GBA2: variants seen among roughly 807,000 people sequenced by gnomAD.
GBA2 encodes the protein glucosylceramidase beta 2.
Under a neutral mutation model 112.9 loss-of-function variants are expected in GBA2, and 79 were observed. That is an observed-to-expected ratio of 0.70 (90% CI 0.58 to 0.84). The LOEUF is 0.84. GBA2 is among the 40% of genes least tolerant of loss of function. The pLI is 0.00. For missense variants in GBA2, 1,043 were observed against 1,190.0 expected (o/e 0.88, Z 1.82); for synonymous variants, 403 against 434.3 (o/e 0.93, Z 0.90).
chr9:35,748,565 C>T lies in GBA2; in HGVS notation c.140G>A (p.Ser47Asn). 1 of 1,614,162 alleles carries T rather than the reference C, an allele frequency of 6.2e-7. No individual in the cohort carries two copies. The highest frequency in any genetic ancestry group is 8.5e-7 in the Non-Finnish European group (1 of 1,180,010). Reference protein sequence around the residue: ...TKDVQVTDCKSPEDSRPPKET... With the variant: ...TKDVQVTDCKNPEDSRPPKET... ...TTTTGGGGGTCGGCTGTCTTCGGGA[C>T]TCTTACAGTCTGTAACCTGCACATC... Residue 47 changes from serine (S) to asparagine (N), a missense_variant, in exon 1 of 17, where the codon AGT becomes AAT. Ser to Asn is a conservative substitution (Grantham distance 46). Transcript: ENST00000378103.
chr9:35,747,148 C>G (rs570144965), intron 1 of GBA2, among the ~76,000 whole-genome samples: 1 of 152,282 alleles, frequency 6.6e-6, no homozygotes, highest in Admixed American at 6.5e-5. Flanking sequence ...CAGTACCCCC[C>G]ACTCTATCCT....
chr9:35,740,018 C>G lies in GBA2; in HGVS notation c.1389G>C (p.Gln463His). ...GGCACCTGTCATCCAATACCGGGCT[C>G]TGCCAAGCTGAGATCCTCTCTTCCC... is the stretch of plus-strand genomic sequence containing the variant. ...AEWEERISAW[Q>H]SPVLDDRSLP... Residue 463 changes from glutamine to histidine, a missense_variant, in exon 8 of 17, where the codon CAG (glutamine) becomes CAC (histidine). Transcript: ENST00000378103. This position sits in a 1 kb window ranked among gnomAD's most constrained non-coding sequence, Gnocchi z 4.7. The G allele has an allele frequency of 6.2e-7, 1 of 1,614,134 alleles. No homozygotes were observed. Among genetic ancestry groups the G allele is most frequent in the Non-Finnish European group, 8.5e-7 (1 of 1,179,992 alleles).
rs942178361 is a variant in GBA2 at position 35,741,669 on chromosome 9, C to T, written c.786+3G>A. ...ATGGAAGATACAGATGTGGGGGCCT[C>T]ACCTGGTAGTCATGGGGCAAGATGG... is the stretch of plus-strand genomic sequence containing the variant. On this transcript the variant is annotated splice_donor_region_variant and intron_variant, in intron 4 of 16. Transcript: ENST00000378103. The surrounding 1 kb of genome is among the most constrained non-coding windows in gnomAD (Gnocchi z 4.6). 1.3e-6 allele frequency: 2 copies of T among 1,579,472 alleles called. No individual in the cohort carries two copies. Among genetic ancestry groups the T allele is most frequent in the Admixed American group, 1.7e-5 (1 of 59,986 alleles).
intron 3 of GBA2, chr9:35,743,448 A>G: frequency 6.5e-6 from 1 of 153,412 alleles, no homozygotes; most frequent in East Asian, 1.9e-4. Flanking sequence ...CTTTAATTGT[A>G]GAGTCACAAT....
rs760492879 is a variant in GBA2 at position 35,741,830 on chromosome 9, G to A, written c.628C>T (p.Arg210Cys). 3.6e-5 allele frequency: 58 copies of A among 1,613,698 alleles called. No homozygotes were observed. Among genetic ancestry groups the A allele is most frequent in the Admixed American group, 5.0e-5 (3 of 60,020 alleles). The change falls in exon 4 of 17, where the codon CGC becomes TGC. Residue 210 changes from arginine to cysteine, a missense_variant. Transcript: ENST00000378103. The surrounding 1 kb of genome is among the most constrained non-coding windows in gnomAD (Gnocchi z 4.6). ...TVYQQVLSLE[R>C]PSVLRSWNWG... ...TTCCAGCTGCGGAGGACACTTGGGC[G>A]CTCCAGGGACAGGACTTGCTGGTAC...
intron 3 of GBA2, chr9:35,743,341 T>C (rs907488257): frequency 6.5e-6 from 1 of 153,778 alleles, no homozygotes; most frequent in African/African-American, 2.4e-5. Context: ...AAAATGAGCA[T>C]AATAGTGGTA....
At position 35,741,461 on chromosome 9, in the gene GBA2, A is replaced by ATTT; in HGVS notation, c.786+208_786+210dup. ...AGGTGCCTGCCACAACGCCCAGCTAATTTTTTTTTTTGTATTTTTAGTAGA... is the reference window on the plus strand; with the variant it reads ...AGGTGCCTGCCACAACGCCCAGCTAATTTTTTTTTTTTTTGTATTTTTAGTAGA... On this transcript the variant is annotated intron_variant, in intron 4 of 16. Transcript: ENST00000378103. This position sits in a 1 kb window ranked among gnomAD's most constrained non-coding sequence, Gnocchi z 4.6. 1 of 450,110 alleles carries ATTT rather than the reference A, an allele frequency of 2.2e-6. No individual in the cohort carries two copies. Among genetic ancestry groups the ATTT allele is most frequent in the Non-Finnish European group, 4.0e-6 (1 of 248,742 alleles). 27.9% of individuals were successfully genotyped at this position (450,110 alleles called of 1,614,324 possible).
At position 35,740,401 on chromosome 9, in the gene GBA2, T is replaced by A; in HGVS notation, c.1130-39A>T. On this transcript the variant is annotated intron_variant, in intron 6 of 16. Transcript: ENST00000378103. The surrounding 1 kb of genome is among the most constrained non-coding windows in gnomAD (Gnocchi z 4.7). Reference sequence around the variant, plus strand: ...AAGAGAATTCAGGACAGGAGCCCCTTCAGCCCCAGGGATAGGGATCCCTAA... The same window carrying A: ...AAGAGAATTCAGGACAGGAGCCCCTACAGCCCCAGGGATAGGGATCCCTAA... 6.2e-7 allele frequency: 1 copy of A among 1,607,428 alleles called. No individual in the cohort carries two copies. Among genetic ancestry groups the A allele is most frequent in the Non-Finnish European group, 8.5e-7 (1 of 1,176,936 alleles).
Position 35,737,316 on chromosome 9 carries a change from C to T in GBA2, c.2637G>A (p.Arg879=), listed in dbSNP as rs777597003. The change falls in exon 17 of 17, where the codon CGG becomes CGA. Residue 879 remains arginine, a synonymous_variant. Transcript: ENST00000378103. The surrounding 1 kb of genome is among the most constrained non-coding windows in gnomAD (Gnocchi z 4.1). ...GCTGCATGGCCCATATGCTCAGTGG[C>T]CGCATGTAGGCCAGTGAGCGGAACA... ...QRVFRSLAYM[R]PLSIWAMQLA... The T allele has an allele frequency of 1.9e-6, 3 of 1,614,116 alleles. No homozygotes were observed. The South Asian group carries it at 3.3e-5, about 18-fold the overall frequency.
At chr9:35,747,770 T>C (rs1827050497) in intron 1 of GBA2, among the ~76,000 whole-genome samples, 1 of 152,170 alleles carries the variant, frequency 6.6e-6, no homozygotes, top group South Asian at 2.1e-4. Flanking sequence ...TATCAAGAGC[T>C]CTCTATCCCA....
chr9:35,743,147 C>G (rs1299365958), intron 3 of GBA2: 1 of 153,786 alleles, frequency 6.5e-6, no homozygotes, highest in Non-Finnish European at 1.5e-5. Context: ...CCCAACCCCC[C>G]ATGGATACTG....
chr9:35,742,104 T>C (rs1826726549), intron 3 of GBA2: 1 of 600,670 alleles, frequency 1.7e-6, no homozygotes, highest in Non-Finnish European at 3.0e-6. Flanking sequence ...TCCACTACGG[T>C]GGTGTTAGCA....
intron 1 of GBA2, 86 bp downstream of exon 1, chr9:35,748,260 T>C: frequency 1.2e-6 from 1 of 827,640 alleles, no homozygotes. Flanking sequence ...GCCCAACTGC[T>C]TTCTTGCCCT....
Position 35,740,077 on chromosome 9 carries a change from G to A in GBA2, c.1330C>T (p.Leu444Phe). Residue 444 changes from leucine (L) to phenylalanine (F), a missense_variant, in exon 8 of 17, where the codon CTC (leucine) becomes TTC (phenylalanine). Physicochemically the swap from Leu to Phe is conservative, Grantham distance 22 (BLOSUM62 0). Transcript: ENST00000378103. This position sits in a 1 kb window ranked among gnomAD's most constrained non-coding sequence, Gnocchi z 4.7. Reference protein sequence around the residue: ...FGQDGDAAPALSHYALCRYAE... With the variant: ...FGQDGDAAPAFSHYALCRYAE... Reference sequence around the variant, plus strand: ...TATCGGCACAGTGCATAGTGGCTGAGGGCAGGTGCTGCATCTCCATCCTGG... The same window carrying A: ...TATCGGCACAGTGCATAGTGGCTGAAGGCAGGTGCTGCATCTCCATCCTGG... The A allele has an allele frequency of 6.2e-7, 1 of 1,614,120 alleles. No individual in the cohort carries two copies. The highest frequency in any genetic ancestry group is 1.1e-5 in the South Asian group (1 of 91,080).
chr9:35,738,016 C>T (rs1309060849), intron 15 of GBA2, 21 bp downstream of exon 15: 2 of 1,593,458 alleles, frequency 1.3e-6, no homozygotes, highest in Admixed American at 1.7e-5. Flanking sequence ...TTCTCTCTGG[C>T]TGCTCCTCCT....
rs953671726 is a variant in GBA2 at position 35,737,510 on chromosome 9, G to T, written c.2506-63C>A. ...CACCCTCTGAAGAGCCACTTCCACT[G>T]GATAGATGGAGGCAGTAGAGTCTTT... On this transcript the variant is annotated intron_variant, in intron 16 of 16. Coordinates refer to ENST00000378103, the MANE Select transcript of GBA2 (RefSeq NM_020944.3). The surrounding 1 kb of genome is among the most constrained non-coding windows in gnomAD (Gnocchi z 4.1). The T allele has an allele frequency of 2.5e-6, 4 of 1,580,102 alleles. No homozygotes were observed. The highest frequency in any genetic ancestry group is 3.4e-6 in the Non-Finnish European group (4 of 1,162,356).
At chr9:35,744,099 C>T (rs1411140256) in intron 3 of GBA2, among the ~76,000 whole-genome samples, 198 bp downstream of exon 3, 1 of 152,134 alleles carries the variant, frequency 6.6e-6, no homozygotes, top group Non-Finnish European at 1.5e-5. Flanking sequence ...TTTACTCTTT[C>T]AAGGAATGTG....
In GBA2 at chr9:35,741,916, G is replaced by T; in HGVS notation, c.568-26C>A. Reference sequence around the variant, plus strand: ...CTTAAGAGGGCAGATAGGCTGGAACGGGGTAAACCACAGGGACCACAGACT... The same window carrying T: ...CTTAAGAGGGCAGATAGGCTGGAACTGGGTAAACCACAGGGACCACAGACT... On this transcript the variant is annotated intron_variant, in intron 3 of 16. Transcript: ENST00000378103. The surrounding 1 kb of genome is among the most constrained non-coding windows in gnomAD (Gnocchi z 4.6). 6.5e-7 allele frequency: 1 copy of T among 1,530,880 alleles called. No homozygotes were observed. Among genetic ancestry groups the T allele is most frequent in the Non-Finnish European group, 9.0e-7 (1 of 1,105,504 alleles). 94.8% of individuals were successfully genotyped at this position (1,530,880 alleles called of 1,614,324 possible). A position where few individuals can be genotyped will look rare whatever the true frequency, so the allele number is the denominator to read the frequency against.
intron 8 of GBA2, 88 bp from the exon 9 acceptor site, chr9:35,739,888 A>C (rs1826535884): frequency 1.9e-6 from 3 of 1,539,044 alleles, no homozygotes; most frequent in Non-Finnish European, 2.7e-6. Context: ...TGGGATCATC[A>C]AATGAATCCC....
Sources: gnomAD v4.1 joint callset for allele counts (sites outside exome capture counted in the v4.1 genomes callset) on GRCh38, gnomAD v4.1.1 for gene constraint, Gnocchi (gnomAD v3.1) non-coding constraint, MANE v1.5 for transcripts, NCBI Gene and HGNC (gene_info 2026-07-23, HGNC 2026-07-21) for gene names.